The following CDH13 variants were observed in gnomAD, a reference collection of about 807,000 sequenced individuals.
The protein encoded by CDH13 is cadherin 13, also known as cadherin-13.
Under a neutral mutation model 63.8 loss-of-function variants are expected in CDH13, and 24 were observed. The ratio of observed to expected loss-of-function variants is 0.38; its 90% CI spans 0.27 to 0.53. The LOEUF is 0.53. Among genes scored for constraint, CDH13 ranks in the 20% least tolerant of loss-of-function variants. The probability of loss-of-function intolerance (pLI) is 0.85; values close to 1 mark genes in which losing one functional copy is unlikely to be tolerated. For synonymous variants in CDH13, 503 were observed against 355.3 expected, an observed-to-expected ratio of 1.42 and a Z score of -4.67; for missense variants, 1,049 against 903.1, an observed-to-expected ratio of 1.16 and a Z score of -2.07.
rs1555537840 is a variant in CDH13 at position 82,710,552 on chromosome 16, A to AATATATATATATAT, written c.45+83427_45+83440dup. Among the ~76,000 whole-genome samples, 67 of 63,740 alleles carry AATATATATATATAT rather than the reference A, an allele frequency of 1.1e-3. 1 individual carries two copies. The highest frequency in any genetic ancestry group is 1.9e-3 in the East Asian group (4 of 2,132). The allele number at this position is 63,740 out of a possible 152,430, so 41.8% of individuals were successfully genotyped here. A position where few individuals can be genotyped will look rare whatever the true frequency, so the allele number is the denominator to read the frequency against. ...TGTCTCAAAAAAAAAAAAAAAAAAA[A>AATATATATATATAT]ATATATATATATATATATATATATA... On this transcript the variant is annotated intron_variant, in intron 1 of 13. Coordinates refer to ENST00000567109, the MANE Select transcript of CDH13 (RefSeq NM_001257.5).
chr16:82,703,804 G>T (rs146174916), intron 1 of CDH13, among the ~76,000 whole-genome samples: 1 of 152,086 alleles, frequency 6.6e-6, no homozygotes, highest in Non-Finnish European at 1.5e-5. Flanking sequence ...GGGCACCCAT[G>T]TACAACAATG....
At chr16:82,703,743 T>G (rs953349148) in intron 1 of CDH13, among the ~76,000 whole-genome samples, 1 of 152,190 alleles carries the variant, frequency 6.6e-6, no homozygotes, top group African/African-American at 2.4e-5. Flanking sequence ...CAATAGATTG[T>G]GCCTTCTGGC....
intron 5 of CDH13, among the ~76,000 whole-genome samples, chr16:83,260,919 C>G (rs1291795093): frequency 6.6e-6 from 1 of 152,076 alleles, no homozygotes. Context: ...TGCACCAGGT[C>G]TTGGGGGGCG....
intron 7 of CDH13, among the ~76,000 whole-genome samples, chr16:83,579,562 C>T (rs946276521): frequency 1.3e-5 from 2 of 152,076 alleles, no homozygotes; most frequent in African/African-American, 2.4e-5. Context: ...GGGAAATCCA[C>T]CCCCTTGATC....
At chr16:83,505,687 G>T (rs1295590414) in intron 7 of CDH13, among the ~76,000 whole-genome samples, 1 of 151,928 alleles carries the variant, frequency 6.6e-6, no homozygotes, top group Non-Finnish European at 1.5e-5. Flanking sequence ...GGGATTACAG[G>T]CATGCGCCTC....
chr16:83,252,658 C>T (rs1361305007), intron 5 of CDH13, among the ~76,000 whole-genome samples: 1 of 152,074 alleles, frequency 6.6e-6, no homozygotes, highest in African/African-American at 2.4e-5. Context: ...TAAGGGCCAA[C>T]CTGGGGCGAA....
intron 7 of CDH13, among the ~76,000 whole-genome samples, chr16:83,537,603 G>A (rs1278048666): frequency 6.6e-6 from 1 of 151,838 alleles, no homozygotes; most frequent in African/African-American, 2.4e-5. Context: ...AGAACTTTCA[G>A]TACCCTAAGA....
chr16:83,157,556 C>T lies in CDH13; in HGVS notation c.483+32055C>T, dbSNP rs115979218. Among the ~76,000 whole-genome samples the T allele has an allele frequency of 7.9e-3, 1,195 of 152,018 alleles. 17 individuals carry two copies. Among genetic ancestry groups the T allele is most frequent in the African/African-American group, 0.027 (1,129 of 41,482 alleles). On this transcript the variant is annotated intron_variant, in intron 4 of 13. Coordinates refer to ENST00000567109, the MANE Select transcript of CDH13 (RefSeq NM_001257.5). ...AACTAGAGCTTTCTTTTTATGGAAA[C>T]GCAAAAGGACCTAGCAGGAAAATAC...
rs1264363880 is a variant in CDH13, at chr16:83,279,805, A to G, written c.636+62308A>G. ...TATCAAAGGTTGATTTCAGACCACCACAATCAAAGGAATATCACAATGAAG... is the reference window on the plus strand; with the variant it reads ...TATCAAAGGTTGATTTCAGACCACCGCAATCAAAGGAATATCACAATGAAG... On this transcript the variant is annotated intron_variant, in intron 5 of 13. Coordinates refer to ENST00000567109, the MANE Select transcript of CDH13 (RefSeq NM_001257.5). Among the ~76,000 whole-genome samples the G allele has an allele frequency of 2.6e-5, 4 of 151,916 alleles. No homozygotes were observed. The East Asian group carries it at 5.8e-4, about 22-fold the overall frequency.
chr16:83,400,056 C>T (rs1459890899), intron 6 of CDH13, among the ~76,000 whole-genome samples: 3 of 151,842 alleles, frequency 2.0e-5, no homozygotes, highest in African/African-American at 4.8e-5. Flanking sequence ...CTTATAATGC[C>T]TGTCTTATAG....
At chr16:83,049,552 G>A (rs1404285535) in intron 3 of CDH13, among the ~76,000 whole-genome samples, 1 of 152,000 alleles carries the variant, frequency 6.6e-6, no homozygotes, top group Non-Finnish European at 1.5e-5. Context: ...AGCCAGGATG[G>A]TGTCAATCTC....
At chr16:83,469,893 A>C (rs1567694270) in intron 6 of CDH13, among the ~76,000 whole-genome samples, 2 of 152,252 alleles carry the variant, frequency 1.3e-5, no homozygotes, top group African/African-American at 2.4e-5. Context: ...TTACACACTG[A>C]GGAGGCTGCT....
At position 83,660,401 on chromosome 16, in the gene CDH13, C is replaced by T. The variant is rs1214627696; in HGVS notation, c.1102-10389C>T. On this transcript the variant is annotated intron_variant, in intron 8 of 13. Transcript: ENST00000567109. ...CTAGGTCCCTCGTGTGTGCAGTTCA[C>T]TATAGGGTTTGTGCTCCTATGAGAA... Among the ~76,000 whole-genome samples the T allele has an allele frequency of 7.2e-5, 11 of 152,146 alleles. 1 individual carries two copies. Among genetic ancestry groups the T allele is most frequent in the Non-Finnish European group, 1.6e-4 (11 of 68,020 alleles).
chr16:82,706,468 G>A (rs2031498799), intron 1 of CDH13, among the ~76,000 whole-genome samples: 1 of 152,100 alleles, frequency 6.6e-6, no homozygotes, highest in Non-Finnish European at 1.5e-5. Flanking sequence ...CTGCTAGGTG[G>A]TTGGCCTGGA....
intron 1 of CDH13, among the ~76,000 whole-genome samples, chr16:82,627,998 C>A (rs1907553800): frequency 6.6e-6 from 1 of 152,248 alleles, no homozygotes; most frequent in Non-Finnish European, 1.5e-5. Context: ...GGGAAGGGCA[C>A]GCCAACCAGG....
At chr16:82,921,606 AC>A (rs2042156755) in intron 2 of CDH13, among the ~76,000 whole-genome samples, 1 of 152,184 alleles carries the variant, frequency 6.6e-6, no homozygotes, top group Non-Finnish European at 1.5e-5. Context: ...CATCTTTGGG[AC>A]CCATTATCAG....
chr16:82,940,812 G>T (rs1392149907), intron 2 of CDH13, among the ~76,000 whole-genome samples: 2 of 152,108 alleles, frequency 1.3e-5, no homozygotes, highest in Admixed American at 6.6e-5. Context: ...TTGAGCTCTT[G>T]TCCCATGACT....
chr16:83,698,078 C>G (rs1905661629), intron 10 of CDH13, among the ~76,000 whole-genome samples: 4 of 152,236 alleles, frequency 2.6e-5, no homozygotes. Flanking sequence ...TGTTGGTCTT[C>G]AAGTGGGCCT....
intron 11 of CDH13, among the ~76,000 whole-genome samples, chr16:83,765,272 T>G (rs935245340): frequency 7.9e-5 from 12 of 152,196 alleles, no homozygotes; most frequent in Non-Finnish European, 1.6e-4. Flanking sequence ...GAAACTGTCA[T>G]GTTTAAACAT....
Sources: gnomAD v4.1 joint callset for allele counts (sites outside exome capture counted in the v4.1 genomes callset) on GRCh38, gnomAD v4.1.1 for gene constraint, MANE v1.5 for transcripts, NCBI Gene and HGNC (gene_info 2026-07-23, HGNC 2026-07-21) for gene names.